ATP2C2: variants seen among roughly 807,000 people sequenced by gnomAD.
ATP2C2 encodes ATPase secretory pathway Ca2+ transporting 2, also known as calcium-transporting ATPase type 2C member 2.
ATP2C2 carries 171 observed loss-of-function variants against 110.8 expected under a neutral mutation model. That is an observed-to-expected ratio of 1.54 (90% CI 1.36 to 1.75). ATP2C2 has a LOEUF of 1.75. ATP2C2 is among the 40% of genes most tolerant of loss of function. The pLI, the probability that ATP2C2 is intolerant of heterozygous loss-of-function variation, is 0.00. For synonymous variants in ATP2C2, 804 were observed against 508.4 expected (o/e 1.58, Z -7.82); for missense variants, 1,963 against 1,235.0 (o/e 1.59, Z -8.84).
At chr16:84,455,994 G>A (rs1393662468) in intron 21 of ATP2C2, among the ~76,000 whole-genome samples, 1 of 111,038 alleles carries the variant, frequency 9.0e-6, no homozygotes, top group Non-Finnish European at 1.8e-5. Context: ...GATCATGGTG[G>A]ATAAGCTTTT....
chr16:84,431,939 C>T (rs1286676789), intron 11 of ATP2C2, among the ~76,000 whole-genome samples: 1 of 152,000 alleles, frequency 6.6e-6, no homozygotes, highest in African/African-American at 2.4e-5. Context: ...CCGAGCTGTG[C>T]TGGGGACAGT....
intron 21 of ATP2C2, among the ~76,000 whole-genome samples, chr16:84,455,243 A>T (rs913503206): frequency 6.6e-6 from 1 of 151,978 alleles, no homozygotes; most frequent in Non-Finnish European, 1.5e-5. Flanking sequence ...TGAAGCAGAG[A>T]TGGGATTTGC....
In ATP2C2 at chr16:84,462,151, G is replaced by A. The variant is rs186518272; in HGVS notation, c.2722+22G>A. On this transcript the variant is annotated intron_variant, in intron 26 of 26. Coordinates refer to ENST00000262429, the MANE Select transcript of ATP2C2 (RefSeq NM_014861.4). ...CTTGGTGAGTGGTGGGGACGGGAAC[G>A]ACAGGTGACCTCGACCAGGGCCATG... 3.6e-4 allele frequency: 575 copies of A among 1,605,418 alleles called. 4 individuals are homozygous for A. Among genetic ancestry groups the A allele is most frequent in the Admixed American group, 1.3e-3 (78 of 59,618 alleles).
intron 1 of ATP2C2, among the ~76,000 whole-genome samples, chr16:84,384,936 C>G (rs1464511621): frequency 6.6e-6 from 1 of 152,170 alleles, no homozygotes; most frequent in African/African-American, 2.4e-5. Flanking sequence ...GTAATCCCAG[C>G]TACCTAGGAG....
intron 11 of ATP2C2, among the ~76,000 whole-genome samples, chr16:84,429,052 G>A (rs546847912): frequency 6.6e-6 from 1 of 152,252 alleles, no homozygotes; most frequent in South Asian, 2.1e-4. Flanking sequence ...AACCCAAGGG[G>A]GTCTATTGAA....
Position 84,454,799 on chromosome 16 carries a change from T to C in ATP2C2, c.1981-19T>C. 1 of 1,567,276 alleles carries C rather than the reference T, an allele frequency of 6.4e-7. No individual in the cohort carries two copies. The highest frequency in any genetic ancestry group is 8.6e-7 in the Non-Finnish European group (1 of 1,158,580). ...GTGGTCGTCAGGCTGCAGGCCTTCA[T>C]TGCCTGCTCTTTCCAAAGGCTCTGC... is the stretch of plus-strand genomic sequence containing the variant. On this transcript the variant is annotated intron_variant, in intron 20 of 26. Transcript: ENST00000262429.
intron 15 of ATP2C2, among the ~76,000 whole-genome samples, chr16:84,443,803 C>T (rs1041172360): frequency 2.0e-5 from 3 of 152,108 alleles, no homozygotes; most frequent in Non-Finnish European, 4.4e-5. Context: ...TGGTGCTGGG[C>T]GGGGGAGAGG....
intron 11 of ATP2C2, among the ~76,000 whole-genome samples, chr16:84,430,114 G>A (rs148341265): frequency 2.6e-5 from 4 of 152,298 alleles, no homozygotes; most frequent in East Asian, 1.9e-4. Context: ...CAAAGGCCCT[G>A]TTTGCACATA....
intron 17 of ATP2C2, among the ~76,000 whole-genome samples, chr16:84,449,985 C>T (rs1056543884): frequency 3.9e-5 from 6 of 152,364 alleles, no homozygotes; most frequent in South Asian, 4.1e-4. Context: ...GGCAGAGGAG[C>T]CGGCCCAGGT....
intron 1 of ATP2C2, among the ~76,000 whole-genome samples, chr16:84,370,555 A>C (rs1485595135): frequency 6.6e-6 from 1 of 152,174 alleles, no homozygotes; most frequent in African/African-American, 2.4e-5. Flanking sequence ...AGGTTGGCTC[A>C]GACCTGAACA....
chr16:84,439,752 A>G (rs1322454142), intron 13 of ATP2C2, among the ~76,000 whole-genome samples: 1 of 152,232 alleles, frequency 6.6e-6, no homozygotes, highest in Admixed American at 6.5e-5. Flanking sequence ...CTTATTAATT[A>G]TAAGCACATT....
In ATP2C2 at chr16:84,462,202, G is replaced by C. The variant is rs960162095; in HGVS notation, c.2722+73G>C. ...GGGGGCGGCAGCTGCCAGGTGGGGAGCTGCAGCCCAGGAGGGGTCAGTGCG... is the reference window on the plus strand; with the variant it reads ...GGGGGCGGCAGCTGCCAGGTGGGGACCTGCAGCCCAGGAGGGGTCAGTGCG... On this transcript the variant is annotated intron_variant, in intron 26 of 26. Transcript: ENST00000262429. 4 of 1,560,894 alleles carry C rather than the reference G, an allele frequency of 2.6e-6. No individual in the cohort carries two copies. In the African/African-American group the frequency reaches 4.1e-5, roughly 16 times the overall value.
chr16:84,439,761 T>C (rs540344392), intron 13 of ATP2C2, among the ~76,000 whole-genome samples: 99 of 152,344 alleles, frequency 6.5e-4, no homozygotes, highest in African/African-American at 2.3e-3. Context: ...TATAAGCACA[T>C]TGCAAAATTT....
chr16:84,386,722 C>G (rs1904336296), intron 1 of ATP2C2, among the ~76,000 whole-genome samples: 8 of 152,124 alleles, frequency 5.3e-5, no homozygotes, highest in Admixed American at 5.2e-4. Flanking sequence ...TTTCAGAAGC[C>G]CTTCCTCACA....
intron 4 of ATP2C2, among the ~76,000 whole-genome samples, chr16:84,410,364 A>C (rs1477838124): frequency 6.6e-6 from 1 of 152,204 alleles, no homozygotes. Context: ...GGGTACTCTG[A>C]AATGTGCACG....
intron 1 of ATP2C2, among the ~76,000 whole-genome samples, chr16:84,397,456 A>G (rs945919649): frequency 6.6e-6 from 1 of 151,440 alleles, no homozygotes; most frequent in Non-Finnish European, 1.5e-5. Flanking sequence ...TACAAGTTTC[A>G]ATTCTGTAAA....
chr16:84,375,888 T>G (rs1910221829), intron 1 of ATP2C2, among the ~76,000 whole-genome samples: 1 of 151,788 alleles, frequency 6.6e-6, no homozygotes, highest in African/African-American at 2.4e-5. Context: ...AAAGAGGAAG[T>G]CTGAACAAAA....
At position 84,455,070 on chromosome 16, in the gene ATP2C2, AGGGG is replaced by A. The variant is rs3085209; in HGVS notation, c.2147+91_2147+94del. 2.3e-5 allele frequency: 27 copies of A among 1,199,462 alleles called. No individual in the cohort carries two copies. In the African/African-American group the frequency reaches 3.7e-4, roughly 16 times the overall value. 74.3% of individuals were successfully genotyped at this position (1,199,462 alleles called of 1,614,324 possible). ...CTGGAACCTGCTACTGTGGAGATAG[AGGGG>A]GGGGTCTCGCGGAGTCCCCAGGGAG... On this transcript the variant is annotated intron_variant, in intron 21 of 26. Coordinates refer to ENST00000262429, the MANE Select transcript of ATP2C2 (RefSeq NM_014861.4).
chr16:84,463,766 C>A lies in ATP2C2; in HGVS notation c.*34C>A, dbSNP rs761884374. The A allele has an allele frequency of 7.1e-6, 11 of 1,559,290 alleles. No homozygotes were observed. The highest frequency in any genetic ancestry group is 1.7e-4 in the Middle Eastern group (1 of 5,968). ...ACTCCGCGGCACCTTCCCTAATCATCTCGATCTGGTTGTGACTGTGGCCCC... is the reference window on the plus strand; with the variant it reads ...ACTCCGCGGCACCTTCCCTAATCATATCGATCTGGTTGTGACTGTGGCCCC... On this transcript the variant is annotated 3_prime_UTR_variant, in exon 27 of 27. Coordinates refer to ENST00000262429, the MANE Select transcript of ATP2C2 (RefSeq NM_014861.4).
Sources: allele counts gnomAD v4.1 joint callset (sites outside exome capture counted in the v4.1 genomes callset), GRCh38; gene constraint gnomAD v4.1.1; transcripts MANE v1.5; gene names NCBI Gene and HGNC (gene_info 2026-07-23, HGNC 2026-07-21).